Variants in GOT1L1 observed in about 807,000 individuals in gnomAD.
GOT1L1 encodes glutamic-oxaloacetic transaminase 1 like 1, also known as aspartate aminotransferase, cytoplasmic 2.
Under a neutral mutation model 43.6 loss-of-function variants are expected in GOT1L1, and 38 were observed. The ratio of observed to expected loss-of-function variants is 0.87; its 90% CI spans 0.67 to 1.14. GOT1L1 has a LOEUF of 1.14. Among genes scored for constraint, GOT1L1 ranks in the 50% most tolerant of loss-of-function variants. GOT1L1 has a pLI of 0.00. For missense variants in GOT1L1, 482 were observed against 504.0 expected, an observed-to-expected ratio of 0.96 and a Z score of 0.42; for synonymous variants, 183 against 187.2, an observed-to-expected ratio of 0.98 and a Z score of 0.18.
rs1202571634 is a variant in GOT1L1 at position 37,937,740 on chromosome 8, C to T, written c.307G>A (p.Val103Ile). ...GCACCACTGTCACCAACAGTGTGTA[C>T]ACCCCCTACCTGCCAGCAAGACATA... ...QAIVENRVGG[V>I]HTVGDSGAFQ... The change falls in exon 3 of 9, where the codon GTA becomes ATA. Residue 103 changes from valine (V) to isoleucine (I), a missense_variant. Physicochemically the swap from Val to Ile is conservative, Grantham distance 29. Transcript: ENST00000307599. 2 of 1,610,582 alleles carry T rather than the reference C, an allele frequency of 1.2e-6. No homozygotes were observed. The highest frequency in any genetic ancestry group is 8.5e-7 in the Non-Finnish European group (1 of 1,178,110).
At chr8:37,937,409 T>C (rs371574225) in intron 3 of GOT1L1, 23 bp from the exon 4 acceptor site, 2 of 1,464,098 alleles carry the variant, frequency 1.4e-6, no homozygotes, top group South Asian at 2.5e-5. Context: ...AGCCCCCCAC[T>C]AGCTGGTACA....
rs1208222579 is a variant in GOT1L1 at position 37,935,844 on chromosome 8, C to T, written c.789G>A (p.Val263=). ...IYDEGVGMLV[V]VAVNNQQLLC... Reference sequence around the variant, plus strand: ...GCAGCTGCTGGTTGTTGACTGCCACCACCACTAGCATCCCCACTCCTTCAT... The same window carrying T: ...GCAGCTGCTGGTTGTTGACTGCCACTACCACTAGCATCCCCACTCCTTCAT... The change falls in exon 7 of 9, where the codon GTG becomes GTA. Residue 263 remains valine (V), a synonymous_variant. Coordinates refer to ENST00000307599, the MANE Select transcript of GOT1L1 (RefSeq NM_152413.3). 2.5e-6 allele frequency: 4 copies of T among 1,613,046 alleles called. No individual in the cohort carries two copies. Among genetic ancestry groups the T allele is most frequent in the Admixed American group, 1.7e-5 (1 of 59,886 alleles).
chr8:37,939,430 AAATATATATATATATATATATATATAT>A lies in GOT1L1; in HGVS notation c.115+458_115+484del, dbSNP rs1174998661. 6.7e-5 allele frequency among the ~76,000 whole-genome samples: 4 copies of A among 59,446 alleles called. 1 individual carries two copies. The highest frequency in any genetic ancestry group is 8.3e-4 in the South Asian group (1 of 1,198). The allele number at this position is 59,446 out of a possible 152,430, so 39.0% of individuals were successfully genotyped here. On this transcript the variant is annotated intron_variant, in intron 1 of 8. Transcript: ENST00000307599. ...CCCTGTCTCAAGAAAAAAAAAAAAA[AAATATATATATATATATATATATATAT>A]ATATATATATATATATGCAAAATGA...
rs113334253 is a variant in GOT1L1, at chr8:37,939,866, G to T, written c.115+49C>A. ...AGCAGGGAACACTGTCCTCCTAGAG[G>T]CAGTTACCATCACTTAAGTCTTATA... On this transcript the variant is annotated intron_variant, in intron 1 of 8. Coordinates refer to ENST00000307599, the MANE Select transcript of GOT1L1 (RefSeq NM_152413.3). 3,150 of 1,565,772 alleles carry T rather than the reference G, an allele frequency of 2.0e-3. 62 individuals are homozygous for T. In the African/African-American group the frequency reaches 0.037, roughly 19 times the overall value.
At chr8:37,936,613 T>C in intron 6 of GOT1L1, 107 bp downstream of exon 6, 1 of 1,014,780 alleles carries the variant, frequency 9.9e-7, no homozygotes, top group South Asian at 1.6e-5. Flanking sequence ...GTGCTCTCCC[T>C]AGAGTCCTTG....
At chr8:37,937,868 C>T in intron 2 of GOT1L1, 119 bp from the exon 3 acceptor site, 1 of 654,234 alleles carries the variant, frequency 1.5e-6, no homozygotes, top group Non-Finnish European at 2.7e-6. Context: ...TGTTGAAACC[C>T]CGTATCTACT....
rs1563386806 is a variant in GOT1L1 at position 37,935,097 on chromosome 8, T to C, written c.1048A>G (p.Thr350Ala). 6.2e-7 allele frequency: 1 copy of C among 1,613,670 alleles called. No individual in the cohort carries two copies. Among genetic ancestry groups the C allele is most frequent in the East Asian group, 2.2e-5 (1 of 44,868 alleles). Residue 350 changes from threonine to alanine, a missense_variant, in exon 8 of 9, where the codon ACC becomes GCC. Coordinates refer to ENST00000307599, the MANE Select transcript of GOT1L1 (RefSeq NM_152413.3). The part of the protein sequence containing the change: ...SWGHITEQSG[T>A]HGYLGLNSQQ... ...CAGTTGAGTCCAAGATAGCCGTGGGTCCCACTCTGCTCGGTGATGTGACCC... is the reference window on the plus strand; with the variant it reads ...CAGTTGAGTCCAAGATAGCCGTGGGCCCCACTCTGCTCGGTGATGTGACCC...
chr8:37,937,771 A>C (rs1337884367), intron 2 of GOT1L1, 22 bp from the exon 3 acceptor site: 1 of 1,553,004 alleles, frequency 6.4e-7, no homozygotes, highest in Admixed American at 1.7e-5. Context: ...ACATAGACAC[A>C]AATAGGCCAG....
chr8:37,934,907 C>T, intron 8 of GOT1L1, 166 bp downstream of exon 8: 2 of 715,694 alleles, frequency 2.8e-6, no homozygotes, highest in East Asian at 2.7e-5. Context: ...TAGGGAGTGT[C>T]GGTACTTCTG....
At chr8:37,935,515 C>A (rs564049214) in intron 7 of GOT1L1, among the ~76,000 whole-genome samples, 189 bp downstream of exon 7, 1 of 152,300 alleles carries the variant, frequency 6.6e-6, no homozygotes, top group South Asian at 2.1e-4. Flanking sequence ...TCACTCTGTC[C>A]CCTAAGGCAA....
At chr8:37,939,434 ATATATATATAT>A (rs1563389712) in intron 1 of GOT1L1, among the ~76,000 whole-genome samples, 673 of 57,920 alleles carry the variant, frequency 0.012, 73 homozygotes, top group Admixed American at 0.058. Flanking sequence ...AAAAAAAAAT[ATATATATATAT>A]ATATATATAT....
intron 2 of GOT1L1, among the ~76,000 whole-genome samples, chr8:37,938,208 C>T (rs1465531335): frequency 2.6e-5 from 4 of 152,150 alleles, no homozygotes; most frequent in Admixed American, 6.5e-5. Context: ...ACCAGCCTGG[C>T]CAACATGGTG....
In GOT1L1 at chr8:37,937,273, C is replaced by T. The variant is rs774978036; in HGVS notation, c.519+4G>A. Reference sequence around the variant, plus strand: ...GGAGGAGTTTCTGAGCGGGGCCCCTCTACCTCCACCACATTGAGGAGTATG... The same window carrying T: ...GGAGGAGTTTCTGAGCGGGGCCCCTTTACCTCCACCACATTGAGGAGTATG... On this transcript the variant is annotated splice_donor_region_variant and intron_variant, in intron 4 of 8. Coordinates refer to ENST00000307599, the MANE Select transcript of GOT1L1 (RefSeq NM_152413.3). 14 of 1,577,024 alleles carry T rather than the reference C, an allele frequency of 8.9e-6. No homozygotes were observed. Among genetic ancestry groups the T allele is most frequent in the African/African-American group, 2.7e-5 (2 of 73,936 alleles).
chr8:37,936,715 C>T lies in GOT1L1; in HGVS notation c.763+5G>A, dbSNP rs1401265981. The T allele has an allele frequency of 6.2e-6, 10 of 1,608,456 alleles. No individual in the cohort carries two copies. The highest frequency in any genetic ancestry group is 1.1e-5 in the South Asian group (1 of 90,770). On this transcript the variant is annotated splice_donor_5th_base_variant and intron_variant, in intron 6 of 8. Transcript: ENST00000307599. ...AGACCCTCCCTTCTTCTGCCTGTAC[C>T]ATACCATAAATGCCAAAATTCTTGG... is the stretch of plus-strand genomic sequence containing the variant.
chr8:37,936,184 T>A (rs2130263120), intron 6 of GOT1L1, among the ~76,000 whole-genome samples: 1 of 152,162 alleles, frequency 6.6e-6, no homozygotes, highest in East Asian at 1.9e-4. Flanking sequence ...TCTCTCTCTG[T>A]TGCCCAGGCT....
Position 37,935,104 on chromosome 8 carries a change from C to T in GOT1L1, c.1041G>A (p.Gln347=). Residue 347 remains glutamine (Q), a synonymous_variant, in exon 8 of 9, where the codon CAG becomes CAA. Coordinates refer to ENST00000307599, the MANE Select transcript of GOT1L1 (RefSeq NM_152413.3). ...TPGSWGHITE[Q]SGTHGYLGLN... ...GTCCAAGATAGCCGTGGGTCCCACT[C>T]TGCTCGGTGATGTGACCCCAGGACC... 1 of 1,613,926 alleles carries T rather than the reference C, an allele frequency of 6.2e-7. No homozygotes were observed. Among genetic ancestry groups the T allele is most frequent in the Non-Finnish European group, 8.5e-7 (1 of 1,179,866 alleles).
chr8:37,935,998 G>T, intron 6 of GOT1L1, 129 bp from the exon 7 acceptor site: 1 of 1,020,204 alleles, frequency 9.8e-7, no homozygotes, highest in Non-Finnish European at 1.4e-6. Context: ...AGCCCAGCCA[G>T]GGTGATATTC....
intron 8 of GOT1L1, chr8:37,934,866 G>A (rs187836926): frequency 6.4e-5 from 39 of 613,092 alleles, no homozygotes; most frequent in Non-Finnish European, 5.6e-6. Flanking sequence ...ATGAGCCACT[G>A]CACCGGGCAC....
chr8:37,938,567 C>T, intron 2 of GOT1L1, 133 bp downstream of exon 2: 1 of 733,624 alleles, frequency 1.4e-6, no homozygotes, highest in East Asian at 2.8e-5. Context: ...GACTTGTGGA[C>T]TCTCTGAGCC....
Sources: gnomAD v4.1 joint callset for allele counts (sites outside exome capture counted in the v4.1 genomes callset) on GRCh38, gnomAD v4.1.1 for gene constraint, MANE v1.5 for transcripts, NCBI Gene and HGNC (gene_info 2026-07-23, HGNC 2026-07-21) for gene names.